Variants in ENPP6 observed in about 807,000 individuals in gnomAD.
ENPP6 encodes the protein ectonucleotide pyrophosphatase/phosphodiesterase 6.
ENPP6 carries 32 observed loss-of-function variants against 42.0 expected under a neutral mutation model. The ratio of observed to expected loss-of-function variants is 0.76; its 90% confidence interval spans 0.58 to 1.02. The LOEUF is 1.02. Ranked by LOEUF, ENPP6 falls within the 50% of genes least tolerant of loss-of-function variation. The pLI is 0.00. For synonymous variants in ENPP6, 213 were observed against 216.0 expected, an observed-to-expected ratio of 0.99 and a Z score of 0.12; for missense variants, 552 against 566.8, an observed-to-expected ratio of 0.97 and a Z score of 0.27.
intron 2 of ENPP6, among the ~76,000 whole-genome samples, chr4:184,128,656 T>G (rs948921778): frequency 1.3e-5 from 2 of 150,496 alleles, no homozygotes; most frequent in Non-Finnish European, 3.0e-5. Flanking sequence ...AATTGCAACT[T>G]GGTGGAAAAC....
intron 1 of ENPP6, among the ~76,000 whole-genome samples, chr4:184,196,148 C>A (rs974563883): frequency 6.6e-6 from 1 of 152,254 alleles, no homozygotes; most frequent in Admixed American, 6.5e-5. Context: ...TTGTGCCATG[C>A]TGTTCACCCA....
intron 1 of ENPP6, among the ~76,000 whole-genome samples, chr4:184,201,383 A>T (rs1311786734): frequency 6.6e-6 from 1 of 152,110 alleles, no homozygotes; most frequent in Non-Finnish European, 1.5e-5. Context: ...ACATGATCCT[A>T]TCAATCAACA....
chr4:184,205,979 A>T (rs1732989315), intron 1 of ENPP6, among the ~76,000 whole-genome samples: 1 of 152,192 alleles, frequency 6.6e-6, no homozygotes, highest in African/African-American at 2.4e-5. Context: ...GCTGGGAATG[A>T]CCAGGACGCC....
intron 1 of ENPP6, among the ~76,000 whole-genome samples, chr4:184,214,312 T>G (rs1191407955): frequency 2.0e-5 from 3 of 152,188 alleles, no homozygotes; most frequent in Non-Finnish European, 4.4e-5. Flanking sequence ...ATGATCATGA[T>G]TGGCATTTTG....
chr4:184,208,961 C>G (rs1337074967), intron 1 of ENPP6, among the ~76,000 whole-genome samples: 11 of 143,048 alleles, frequency 7.7e-5, no homozygotes, highest in East Asian at 2.0e-4. Flanking sequence ...GGGAGGCACC[C>G]CCCAGCAGGA....
chr4:184,181,693 A>G (rs925524536), intron 1 of ENPP6, among the ~76,000 whole-genome samples: 1 of 152,200 alleles, frequency 6.6e-6, no homozygotes, highest in Non-Finnish European at 1.5e-5. Flanking sequence ...ATAGAAACCC[A>G]GAAATGAGAC....
In ENPP6 at chr4:184,104,996, G is replaced by A. The variant is rs750707452; in HGVS notation, c.994-7628C>T. On this transcript the variant is annotated intron_variant, in intron 6 of 7. Transcript: ENST00000296741. ...CCTGGAAGAGATGGTGTTTGAGTTG[G>A]GCTTTGAAGGACAGGGAGGGATTGG... Among the ~76,000 whole-genome samples, 15 of 152,326 alleles carry A rather than the reference G, an allele frequency of 9.8e-5. No homozygotes were observed. In the South Asian group the frequency reaches 1.0e-3, roughly 11 times the overall value.
At chr4:184,112,442 C>T (rs148172170) in intron 6 of ENPP6, 18 of 493,418 alleles carry the variant, frequency 3.6e-5, no homozygotes, top group East Asian at 1.7e-4. Flanking sequence ...TAAAACACAG[C>T]GAGTCTGGAG....
intron 3 of ENPP6, among the ~76,000 whole-genome samples, chr4:184,123,823 A>G (rs1394316798): frequency 6.6e-6 from 1 of 152,160 alleles, no homozygotes; most frequent in African/African-American, 2.4e-5. Flanking sequence ...TTTGCCAAAT[A>G]CTGATTAGTA....
intron 5 of ENPP6, among the ~76,000 whole-genome samples, chr4:184,115,844 T>C (rs1457356755): frequency 6.6e-6 from 1 of 152,156 alleles, no homozygotes; most frequent in Non-Finnish European, 1.5e-5. Context: ...GAAGCCTCTT[T>C]CCTGAGAAAG....
At chr4:184,115,458 T>A (rs1470323469) in intron 5 of ENPP6, among the ~76,000 whole-genome samples, 2 of 152,138 alleles carry the variant, frequency 1.3e-5, no homozygotes, top group Non-Finnish European at 2.9e-5. Flanking sequence ...GAGAGCAGGG[T>A]AAGCAGAGGT....
intron 1 of ENPP6, among the ~76,000 whole-genome samples, chr4:184,206,320 C>G (rs34715086): frequency 1.1e-4 from 12 of 107,202 alleles, no homozygotes; most frequent in South Asian, 3.2e-4. Context: ...TGCAGTGGCG[C>G]GATCTCGGCT....
intron 3 of ENPP6, among the ~76,000 whole-genome samples, chr4:184,122,801 A>T (rs1465259503): frequency 6.6e-6 from 1 of 152,198 alleles, no homozygotes; most frequent in Non-Finnish European, 1.5e-5. Flanking sequence ...CATATTTGGC[A>T]CAGCCATGGC....
intron 2 of ENPP6, among the ~76,000 whole-genome samples, chr4:184,124,491 G>T (rs895540017): frequency 3.9e-5 from 6 of 152,122 alleles, no homozygotes; most frequent in African/African-American, 1.4e-4. Context: ...TGCAACACTG[G>T]TGTCCCACAT....
chr4:184,090,912 T>A lies in ENPP6; in HGVS notation c.*265A>T, dbSNP rs1206053876. 1 of 450,772 alleles carries A rather than the reference T, an allele frequency of 2.2e-6. No individual in the cohort carries two copies. The highest frequency in any genetic ancestry group is 3.9e-6 in the Non-Finnish European group (1 of 258,738). The allele number at this position is 450,772 out of a possible 1,614,324, so 27.9% of individuals were successfully genotyped here. A position where few individuals can be genotyped will look rare whatever the true frequency, so the allele number is the denominator to read the frequency against. ...CCCTGCTCAGAGAGTTCATCCTGAG[T>A]AACGTGAAAAGAAAGGAGAAAATGA... On this transcript the variant is annotated 3_prime_UTR_variant, in exon 8 of 8. Coordinates refer to ENST00000296741, the MANE Select transcript of ENPP6 (RefSeq NM_153343.4).
chr4:184,176,180 G>A (rs1264655915), intron 1 of ENPP6, among the ~76,000 whole-genome samples: 1 of 152,182 alleles, frequency 6.6e-6, no homozygotes, highest in East Asian at 1.9e-4. Flanking sequence ...CTTGTAGTTG[G>A]TAAGTGGTAG....
At chr4:184,180,894 G>A (rs1732540663) in intron 1 of ENPP6, among the ~76,000 whole-genome samples, 1 of 152,298 alleles carries the variant, frequency 6.6e-6, no homozygotes, top group Non-Finnish European at 1.5e-5. Flanking sequence ...CAAATGCACA[G>A]CCAATATCAT....
chr4:184,180,879 T>C (rs1732540456), intron 1 of ENPP6, among the ~76,000 whole-genome samples: 1 of 152,216 alleles, frequency 6.6e-6, no homozygotes, highest in African/African-American at 2.4e-5. Context: ...AAGAGCCATT[T>C]ATGACAAATG....
At chr4:184,099,903 A>C (rs1294612128) in intron 6 of ENPP6, among the ~76,000 whole-genome samples, 1 of 152,274 alleles carries the variant, frequency 6.6e-6, no homozygotes, top group Admixed American at 6.5e-5. Flanking sequence ...AGCACGAAGT[A>C]GAACACTTTT....
Sources: allele counts gnomAD v4.1 joint callset (sites outside exome capture counted in the v4.1 genomes callset), GRCh38; gene constraint gnomAD v4.1.1; transcripts MANE v1.5; gene names NCBI Gene and HGNC (gene_info 2026-07-23, HGNC 2026-07-21).